The following NTM variants were observed in gnomAD, a reference collection of about 807,000 sequenced individuals.
The protein encoded by NTM is IgLON family member 2.
NTM carries 13 observed loss-of-function variants against 42.1 expected under a neutral mutation model. The ratio of observed to expected loss-of-function variants is 0.31; its 90% confidence interval spans 0.20 to 0.49. The LOEUF (loss-of-function observed/expected upper bound fraction) is 0.49, where lower values mean the gene tolerates loss of function less well. NTM is among the 20% of genes least tolerant of loss of function. The pLI is 0.99. For missense variants in NTM, 373 were observed against 452.8 expected (o/e 0.82, Z 1.60); for synonymous variants, 187 against 179.2 (o/e 1.04, Z -0.35).
At chr11:132,235,046 G>A (rs759109939) in intron 4 of NTM, among the ~76,000 whole-genome samples, 9 of 152,180 alleles carry the variant, frequency 5.9e-5, no homozygotes, top group African/African-American at 1.2e-4. Context: ...GATGCAGAGC[G>A]CTCCATATGA....
chr11:131,413,682 A>G lies in NTM; in HGVS notation c.82+42794A>G, dbSNP rs115432985. Among the ~76,000 whole-genome samples, 1,119 of 152,298 alleles carry G rather than the reference A, an allele frequency of 7.3e-3. 16 individuals carry two copies. Among genetic ancestry groups the G allele is most frequent in the African/African-American group, 0.025 (1,054 of 41,566 alleles). On this transcript the variant is annotated intron_variant, in intron 1 of 8. Transcript: ENST00000683400. ...GACAGTTGGGTTGCCAAACCTAGGG[A>G]TGTTATTAAAAATAATAGTGTTTAT...
intron 2 of NTM, among the ~76,000 whole-genome samples, chr11:131,918,031 C>G (rs374253714): frequency 2.0e-5 from 3 of 152,222 alleles, no homozygotes; most frequent in African/African-American, 7.2e-5. Flanking sequence ...TGCAGAAAAA[C>G]GTCTCCTTTC....
intron 3 of NTM, among the ~76,000 whole-genome samples, chr11:132,205,762 T>G (rs2138554614): frequency 6.6e-6 from 1 of 152,308 alleles, no homozygotes. Context: ...CCTCTGCTCT[T>G]TACCTTTCAT....
intron 1 of NTM, chr11:131,911,196 C>G: frequency 7.3e-7 from 1 of 1,369,674 alleles, no homozygotes; most frequent in Non-Finnish European, 9.4e-7. Flanking sequence ...CGCGCGCTTC[C>G]CCCTCCTCGG....
intron 1 of NTM, among the ~76,000 whole-genome samples, chr11:131,376,024 A>G (rs1941925503): frequency 6.6e-6 from 1 of 150,686 alleles, no homozygotes; most frequent in Non-Finnish European, 1.5e-5. Flanking sequence ...CTTCTCCTCT[A>G]TGGGAAAAAT....
At chr11:131,450,554 C>T (rs561164486) in intron 1 of NTM, among the ~76,000 whole-genome samples, 1 of 152,298 alleles carries the variant, frequency 6.6e-6, no homozygotes, top group East Asian at 1.9e-4. Context: ...CTTGGCCAAC[C>T]ATGTGCACGT....
intron 1 of NTM, among the ~76,000 whole-genome samples, chr11:131,395,759 G>A (rs904852871): frequency 6.6e-6 from 1 of 152,318 alleles, no homozygotes; most frequent in South Asian, 2.1e-4. Flanking sequence ...GAATGGCGTG[G>A]TGGGGTTGAT....
At chr11:131,665,315 G>A (rs898294029) in intron 1 of NTM, among the ~76,000 whole-genome samples, 4 of 152,180 alleles carry the variant, frequency 2.6e-5, no homozygotes, top group African/African-American at 9.7e-5. Context: ...GCCAAGTAGA[G>A]ATCCCTGGCA....
chr11:131,943,108 A>G (rs1247954804), intron 2 of NTM, among the ~76,000 whole-genome samples: 1 of 152,144 alleles, frequency 6.6e-6, no homozygotes, highest in East Asian at 1.9e-4. Context: ...TAGCATGTTC[A>G]CTGTGGCCTT....
chr11:131,461,299 G>C (rs1386761923), intron 1 of NTM, among the ~76,000 whole-genome samples: 1 of 152,206 alleles, frequency 6.6e-6, no homozygotes, highest in East Asian at 1.9e-4. Context: ...CAGATTGGGT[G>C]CCATAGAGAT....
At chr11:132,046,883 A>G (rs1369421034) in intron 2 of NTM, among the ~76,000 whole-genome samples, 1 of 152,122 alleles carries the variant, frequency 6.6e-6, no homozygotes, top group African/African-American at 2.4e-5. Flanking sequence ...ATAAATCATC[A>G]ATCTATCTGT....
chr11:131,772,612 C>A (rs1246577175), intron 1 of NTM, among the ~76,000 whole-genome samples: 1 of 152,188 alleles, frequency 6.6e-6, no homozygotes, highest in African/African-American at 2.4e-5. Flanking sequence ...AAAGCAGATA[C>A]TTCCTTACTT....
At chr11:131,507,857 T>C (rs2047692131) in intron 1 of NTM, among the ~76,000 whole-genome samples, 1 of 151,712 alleles carries the variant, frequency 6.6e-6, no homozygotes, top group Non-Finnish European at 1.5e-5. Flanking sequence ...GGCTCTCTGT[T>C]TGTCTGTTGT....
chr11:131,504,006 A>C (rs2047171246), intron 1 of NTM, among the ~76,000 whole-genome samples: 1 of 152,182 alleles, frequency 6.6e-6, no homozygotes. Flanking sequence ...GTCCAAAGAC[A>C]TGGCCTTATA....
At chr11:131,446,529 T>G (rs1389820915) in intron 1 of NTM, among the ~76,000 whole-genome samples, 1 of 152,188 alleles carries the variant, frequency 6.6e-6, no homozygotes, top group Admixed American at 6.5e-5. Flanking sequence ...AAATGAATTC[T>G]TCATATAAAA....
At chr11:131,438,476 G>T (rs969226326) in intron 1 of NTM, among the ~76,000 whole-genome samples, 1 of 152,050 alleles carries the variant, frequency 6.6e-6, no homozygotes, top group African/African-American at 2.4e-5. Flanking sequence ...GACTTTGTTC[G>T]TTTCCTTTTA....
intron 1 of NTM, among the ~76,000 whole-genome samples, chr11:131,731,712 G>A (rs1314616642): frequency 3.3e-5 from 5 of 152,298 alleles, no homozygotes; most frequent in African/African-American, 1.2e-4. Flanking sequence ...CCTCACAGAA[G>A]TTCAACTATA....
chr11:131,432,660 T>TCC, intron 1 of NTM, among the ~76,000 whole-genome samples: 1 of 151,986 alleles, frequency 6.6e-6, no homozygotes. Flanking sequence ...AAGTGTAATT[T>TCC]TCAAAAGAAA....
chr11:131,798,206 CTTG>C (rs2091783797), intron 1 of NTM, among the ~76,000 whole-genome samples: 1 of 152,184 alleles, frequency 6.6e-6, no homozygotes, highest in Non-Finnish European at 1.5e-5. Flanking sequence ...TGATCTCCAT[CTTG>C]TTGTGTGTGG....
Sources: gnomAD v4.1 joint callset for allele counts (sites outside exome capture counted in the v4.1 genomes callset) on GRCh38, gnomAD v4.1.1 for gene constraint, MANE v1.5 for transcripts, NCBI Gene and HGNC (gene_info 2026-07-23, HGNC 2026-07-21) for gene names.